RETREG1: variants seen among roughly 807,000 people sequenced by gnomAD.
RETREG1 encodes family with sequence similarity 134 member B.
A neutral mutation model predicts 54.8 loss-of-function variants in RETREG1; 44 were observed. The ratio of observed to expected loss-of-function variants is 0.80; its 90% CI spans 0.63 to 1.03. RETREG1 has a LOEUF of 1.03. Ranked by LOEUF, RETREG1 falls within the 50% of genes least tolerant of loss-of-function variation. RETREG1 has a pLI of 0.00. For missense variants in RETREG1, 554 were observed against 605.1 expected (o/e 0.92, Z 0.89); for synonymous variants, 217 against 238.5 (o/e 0.91, Z 0.83).
chr5:16,530,727 G>A (rs1431467998), intron 3 of RETREG1, among the ~76,000 whole-genome samples: 1 of 152,144 alleles, frequency 6.6e-6, no homozygotes, highest in Admixed American at 6.5e-5. Flanking sequence ...ACAAAAATTA[G>A]CTGGGTGTGG....
intron 3 of RETREG1, among the ~76,000 whole-genome samples, chr5:16,501,453 T>C (rs886074563): frequency 6.6e-5 from 10 of 152,252 alleles, no homozygotes; most frequent in East Asian, 1.9e-4. Flanking sequence ...AGTGATTCCA[T>C]GTAGAAGAGC....
chr5:16,514,155 G>A (rs1243961983), intron 3 of RETREG1, among the ~76,000 whole-genome samples: 2 of 152,188 alleles, frequency 1.3e-5, no homozygotes, highest in African/African-American at 4.8e-5. Context: ...TGGGTTTGGG[G>A]AGAGGAGATC....
chr5:16,530,926 A>G (rs1389350538), intron 3 of RETREG1, among the ~76,000 whole-genome samples: 1 of 152,174 alleles, frequency 6.6e-6, no homozygotes, highest in Non-Finnish European at 1.5e-5. Context: ...CTGCAGTTAT[A>G]ATGATCTTTC....
intron 3 of RETREG1, among the ~76,000 whole-genome samples, chr5:16,495,053 G>T (rs1297151137): frequency 6.6e-6 from 1 of 152,180 alleles, no homozygotes; most frequent in African/African-American, 2.4e-5. Flanking sequence ...GCAACTGGCT[G>T]CATTGTGCCC....
chr5:16,607,919 G>A (rs113160907), intron 1 of RETREG1, among the ~76,000 whole-genome samples: 2,401 of 149,902 alleles, frequency 0.016, 56 homozygotes, highest in African/African-American at 0.055. Flanking sequence ...TCACTCTGTC[G>A]TCCAGGCTGG....
intron 3 of RETREG1, among the ~76,000 whole-genome samples, chr5:16,564,458 C>G (rs750525781): frequency 1.2e-4 from 18 of 152,206 alleles, no homozygotes; most frequent in Non-Finnish European, 2.2e-4. Context: ...ACATTTTAAT[C>G]CATTCCAAAC....
At chr5:16,525,404 G>A (rs755566332) in intron 3 of RETREG1, among the ~76,000 whole-genome samples, 1 of 152,164 alleles carries the variant, frequency 6.6e-6, no homozygotes, top group Non-Finnish European at 1.5e-5. Context: ...CGCCACGAAA[G>A]TGCAGCTGAC....
At chr5:16,525,337 A>AGGG (rs1740680081) in intron 3 of RETREG1, among the ~76,000 whole-genome samples, 1 of 137,966 alleles carries the variant, frequency 7.2e-6, no homozygotes, top group Non-Finnish European at 1.6e-5. Context: ...GTGCGCGGGT[A>AGGG]ACACTGTGCT....
intron 3 of RETREG1, among the ~76,000 whole-genome samples, chr5:16,486,272 A>T (rs1256898228): frequency 6.6e-6 from 1 of 152,230 alleles, no homozygotes; most frequent in Non-Finnish European, 1.5e-5. Context: ...TATATGATTT[A>T]AAAAGAAAAT....
chr5:16,494,513 T>C (rs1739373180), intron 3 of RETREG1, among the ~76,000 whole-genome samples: 1 of 152,260 alleles, frequency 6.6e-6, no homozygotes, highest in Middle Eastern at 3.4e-3. Flanking sequence ...TCAAGAGATA[T>C]GGTTGTTTAA....
intron 1 of RETREG1, among the ~76,000 whole-genome samples, chr5:16,574,327 A>C (rs1354466458): frequency 6.6e-6 from 1 of 152,212 alleles, no homozygotes; most frequent in African/African-American, 2.4e-5. Context: ...GCTACAAACA[A>C]TAGAGAGAAA....
chr5:16,511,066 A>C lies in RETREG1; in HGVS notation c.459-27594T>G, dbSNP rs190360099. On this transcript the variant is annotated intron_variant, in intron 3 of 8. Transcript: ENST00000306320. Reference sequence around the variant, plus strand: ...TGATGAACTGATTTAGTGCTATAACAGATGAATTAGCTATTACCAACAGGA... The same window carrying C: ...TGATGAACTGATTTAGTGCTATAACCGATGAATTAGCTATTACCAACAGGA... Among the ~76,000 whole-genome samples, 4 of 152,354 alleles carry C rather than the reference A, an allele frequency of 2.6e-5. No individual in the cohort carries two copies. In the East Asian group the frequency reaches 7.7e-4, roughly 29 times the overall value.
intron 1 of RETREG1, among the ~76,000 whole-genome samples, chr5:16,583,493 A>AAT (rs1469963295): frequency 1.3e-5 from 2 of 152,020 alleles, no homozygotes; most frequent in African/African-American, 4.8e-5. Context: ...ACTCTGTCTC[A>AAT]ATATATATAT....
At chr5:16,488,226 C>T (rs1468772326) in intron 3 of RETREG1, among the ~76,000 whole-genome samples, 1 of 152,170 alleles carries the variant, frequency 6.6e-6, no homozygotes, top group African/African-American at 2.4e-5. Context: ...AGCTGATATA[C>T]CCAACCCACC....
chr5:16,586,114 G>T (rs558994303), intron 1 of RETREG1, among the ~76,000 whole-genome samples: 1 of 152,178 alleles, frequency 6.6e-6, no homozygotes, highest in Non-Finnish European at 1.5e-5. Flanking sequence ...CTGCAATGTC[G>T]TGCAGGATGG....
Position 16,585,126 on chromosome 5 carries a change from G to C in RETREG1, c.321-13024C>G, listed in dbSNP as rs410514. Among the ~76,000 whole-genome samples the C allele has an allele frequency of 0.57, 86,351 of 151,946 alleles. 24,748 individuals are homozygous for C. The highest frequency in any genetic ancestry group is 0.61 in the Non-Finnish European group (41,328 of 67,952). The stretch of plus-strand genomic sequence containing the variant: ...GGAAGATATCAATCACAGGGAAATG[G>C]TGGGTAGTAACAATCAGAGTCTGCT... On this transcript the variant is annotated intron_variant, in intron 1 of 8. Coordinates refer to ENST00000306320, the MANE Select transcript of RETREG1 (RefSeq NM_001034850.3). The surrounding 1 kb of genome is among the most constrained non-coding windows in gnomAD (Gnocchi z 4.5).
chr5:16,534,656 C>G (rs570458547), intron 3 of RETREG1, among the ~76,000 whole-genome samples: 3 of 152,216 alleles, frequency 2.0e-5, no homozygotes, highest in Non-Finnish European at 4.4e-5. Context: ...TCCCAGCCAG[C>G]TGCCATGTTC....
At chr5:16,557,132 C>T (rs1349708716) in intron 3 of RETREG1, among the ~76,000 whole-genome samples, 1 of 152,118 alleles carries the variant, frequency 6.6e-6, no homozygotes, top group Admixed American at 6.5e-5. Flanking sequence ...ACCCGGCCAT[C>T]ATTTTAGTGT....
At chr5:16,511,839 C>G (rs1051187516) in intron 3 of RETREG1, among the ~76,000 whole-genome samples, 1 of 152,026 alleles carries the variant, frequency 6.6e-6, no homozygotes, top group Admixed American at 6.6e-5. Flanking sequence ...AGAGCTGGAG[C>G]AAGAGAGAGT....
Sources: gnomAD v4.1 joint callset for allele counts (sites outside exome capture counted in the v4.1 genomes callset) on GRCh38, gnomAD v4.1.1 for gene constraint, Gnocchi (gnomAD v3.1) non-coding constraint, MANE v1.5 for transcripts, NCBI Gene and HGNC (gene_info 2026-07-23, HGNC 2026-07-21) for gene names.